The following ARHGAP20 variants were observed in gnomAD, a reference collection of about 807,000 sequenced individuals.
The protein encoded by ARHGAP20 is rho GTPase-activating protein 20.
ARHGAP20 carries 34 observed loss-of-function variants against 73.7 expected under a neutral mutation model. The observed-to-expected ratio is 0.46, with a 90% CI of 0.35 to 0.61. The LOEUF (loss-of-function observed/expected upper bound fraction) is 0.61, where lower values mean the gene tolerates loss of function less well. Ranked by LOEUF, ARHGAP20 falls within the 20% of genes least tolerant of loss-of-function variation. ARHGAP20 has a pLI of 0.00. For synonymous variants in ARHGAP20, 523 were observed against 518.2 expected (o/e 1.01, Z -0.13); for missense variants, 1,314 against 1,420.9 (o/e 0.92, Z 1.21).
At position 110,581,039 on chromosome 11, in the gene ARHGAP20, AG is replaced by A. The variant is rs765145534; in HGVS notation, c.1906del (p.Leu636Ter). 2 of 1,614,184 alleles carry A rather than the reference AG, an allele frequency of 1.2e-6. No individual in the cohort carries two copies. Among genetic ancestry groups the A allele is most frequent in the Non-Finnish European group, 1.7e-6 (2 of 1,180,028 alleles). On this transcript the variant is annotated frameshift_variant, in exon 15 of 15. Transcript: ENST00000683387. LOFTEE classifies it low-confidence loss of function (END_TRUNC). ...AGAATGGGCCAAGTCAAAGTCGCTT[AG>A]GGTTAAAAGGCCTTCCACCTCGGGC... ...DQPEVEGLLT[L>X]SDFDLAHSKD...
At chr11:110,585,095 ATATATGAATATATGTGAATAT>A (rs1565422099) in intron 12 of ARHGAP20, among the ~76,000 whole-genome samples, 1 of 149,448 alleles carries the variant, frequency 6.7e-6, no homozygotes, top group African/African-American at 2.4e-5. Context: ...ATATATGTGA[ATATATGAATATATGTGAATAT>A]ATATGAATAT....
At chr11:110,663,600 T>C (rs528163033) in intron 2 of ARHGAP20, among the ~76,000 whole-genome samples, 1 of 152,108 alleles carries the variant, frequency 6.6e-6, no homozygotes, top group African/African-American at 2.4e-5. Context: ...AGTTAAAGCC[T>C]TCCCACAAAA....
rs991848709 is a variant in ARHGAP20, at chr11:110,674,435, G to A, written c.188+16112C>T. Reference sequence around the variant, plus strand: ...TGCTCCAAAATTGGAAACAATTTGAGCGCCTACACGATGGCATAAGTGGAA... The same window carrying A: ...TGCTCCAAAATTGGAAACAATTTGAACGCCTACACGATGGCATAAGTGGAA... On this transcript the variant is annotated intron_variant, in intron 2 of 14. Transcript: ENST00000683387. Among the ~76,000 whole-genome samples the A allele has an allele frequency of 1.2e-4, 18 of 152,158 alleles. 1 individual carries two copies. Among genetic ancestry groups the A allele is most frequent in the African/African-American group, 4.3e-4 (18 of 41,480 alleles).
intron 2 of ARHGAP20, among the ~76,000 whole-genome samples, chr11:110,687,724 C>T (rs1950163832): frequency 6.6e-6 from 1 of 152,036 alleles, no homozygotes; most frequent in Non-Finnish European, 1.5e-5. Flanking sequence ...AATAATAAAA[C>T]ACTCTAACGG....
At chr11:110,637,774 A>T (rs1345599323) in intron 2 of ARHGAP20, among the ~76,000 whole-genome samples, 1 of 152,054 alleles carries the variant, frequency 6.6e-6, no homozygotes, top group Non-Finnish European at 1.5e-5. Flanking sequence ...AAAACAGGAG[A>T]CCCTATCTGA....
chr11:110,687,015 A>C (rs1454045298), intron 2 of ARHGAP20, among the ~76,000 whole-genome samples: 3 of 139,414 alleles, frequency 2.2e-5, no homozygotes, highest in Non-Finnish European at 4.6e-5. Context: ...AACTTGCAGG[A>C]AATTAACTGA....
Position 110,705,574 on chromosome 11 carries a change from T to C in ARHGAP20, c.105+6553A>G, listed in dbSNP as rs558643288. On this transcript the variant is annotated intron_variant, in intron 1 of 14. Transcript: ENST00000683387. ...CCTTAACTTTTATTTTATAAAACTA[T>C]AATTTATTGTAGTCTATGAACTTTA... Among the ~76,000 whole-genome samples, 11 of 152,346 alleles carry C rather than the reference T, an allele frequency of 7.2e-5. No homozygotes were observed. The South Asian group carries it at 2.3e-3, about 32-fold the overall frequency.
chr11:110,630,917 C>A, intron 2 of ARHGAP20, 125 bp from the exon 3 acceptor site: 1 of 890,588 alleles, frequency 1.1e-6, no homozygotes. Context: ...AGTCTATTCA[C>A]CACACAGTAG....
intron 1 of ARHGAP20, among the ~76,000 whole-genome samples, chr11:110,702,345 C>T (rs1038345151): frequency 6.6e-6 from 1 of 152,072 alleles, no homozygotes; most frequent in African/African-American, 2.4e-5. Context: ...ACCCTTCATG[C>T]TAAAAACTCT....
Position 110,697,131 on chromosome 11 carries a change from G to T in ARHGAP20, c.106-6502C>A, listed in dbSNP as rs565625524. On this transcript the variant is annotated intron_variant, in intron 1 of 14. Coordinates refer to ENST00000683387, the MANE Select transcript of ARHGAP20 (RefSeq NM_001384657.1). ...CAGTAGTGGGATTGCAGGATTGAATGGTATTTATATTTTTAGTTGTTTGAT... is the reference window on the plus strand; with the variant it reads ...CAGTAGTGGGATTGCAGGATTGAATTGTATTTATATTTTTAGTTGTTTGAT... 3.3e-5 allele frequency among the ~76,000 whole-genome samples: 5 copies of T among 151,578 alleles called. No individual in the cohort carries two copies. The South Asian group carries it at 1.0e-3, about 31-fold the overall frequency.
intron 1 of ARHGAP20, among the ~76,000 whole-genome samples, chr11:110,702,034 T>G (rs550925912): frequency 6.6e-6 from 1 of 152,290 alleles, no homozygotes; most frequent in East Asian, 1.9e-4. Context: ...CCAGCTTTGT[T>G]CTTTTGGCTT....
chr11:110,599,456 G>A (rs565619005), intron 9 of ARHGAP20, among the ~76,000 whole-genome samples: 5 of 152,346 alleles, frequency 3.3e-5, no homozygotes, highest in Middle Eastern at 6.8e-3. Context: ...GAGGCAGCTC[G>A]GTGCTGGCCT....
chr11:110,685,446 A>AT (rs1565476738), intron 2 of ARHGAP20, among the ~76,000 whole-genome samples: 1 of 152,040 alleles, frequency 6.6e-6, no homozygotes, highest in African/African-American at 2.4e-5. Flanking sequence ...TCCTAATATA[A>AT]TAATTACTTA....
Position 110,581,146 on chromosome 11 carries a change from G to A in ARHGAP20, c.1800C>T (p.Cys600=). Reference sequence around the variant, plus strand: ...GGCCAAGTTTCTTTACCAAGTCACTGCATGGTGCATCAACATCCTCATTTA... The same window carrying A: ...GGCCAAGTTTCTTTACCAAGTCACTACATGGTGCATCAACATCCTCATTTA... ...NELNEDVDAP[C]SDLVKKLGQG... is the part of the protein sequence containing the mutation. The change falls in exon 15 of 15, where the codon TGC becomes TGT. Residue 600 remains cysteine, a synonymous_variant. Coordinates refer to ENST00000683387, the MANE Select transcript of ARHGAP20 (RefSeq NM_001384657.1). 1 of 1,614,198 alleles carries A rather than the reference G, an allele frequency of 6.2e-7. No homozygotes were observed. The highest frequency in any genetic ancestry group is 8.5e-7 in the Non-Finnish European group (1 of 1,180,034).
intron 8 of ARHGAP20, among the ~76,000 whole-genome samples, chr11:110,607,369 C>A (rs1948258247): frequency 6.6e-6 from 1 of 152,166 alleles, no homozygotes; most frequent in Non-Finnish European, 1.5e-5. Context: ...AGGAAGACTG[C>A]AGGGGATCAG....
chr11:110,712,079 T>TGGGGGCTGCGGCGGCGGA, intron 1 of ARHGAP20, 48 bp downstream of exon 1: 1 of 1,256,204 alleles, frequency 8.0e-7, no homozygotes, highest in Non-Finnish European at 1.0e-6. Flanking sequence ...GCGCCGGCAG[T>TGGGGGCTGCGGCGGCGGA]GGGGGCTGCG....
chr11:110,581,321 A>G, intron 14 of ARHGAP20, 96 bp from the exon 15 acceptor site: 5 of 1,236,574 alleles, frequency 4.0e-6, no homozygotes, highest in Non-Finnish European at 5.4e-6. Context: ...TGAAGTGTTC[A>G]AATTCCTACT....
intron 1 of ARHGAP20, 147 bp downstream of exon 1, chr11:110,711,980 C>T (rs1250456786): frequency 8.0e-7 from 1 of 1,246,986 alleles, no homozygotes; most frequent in Non-Finnish European, 1.0e-6. Context: ...GGGAAGTGTT[C>T]TGGGACTCTC....
At position 110,606,701 on chromosome 11, in the gene ARHGAP20, G is replaced by T. The variant is rs1187334053; in HGVS notation, c.824C>A (p.Ala275Glu). Residue 275 changes from alanine to glutamate, a missense_variant, in exon 9 of 15, where the codon GCA (alanine) becomes GAA (glutamate). Ala to Glu is a moderately radical substitution (Grantham distance 107, BLOSUM62 -1). Coordinates refer to ENST00000683387, the MANE Select transcript of ARHGAP20 (RefSeq NM_001384657.1). ...GIKMSHLRDSALLTPGSKDST... is the reference protein window; with the variant it reads ...GIKMSHLRDSELLTPGSKDST... ...GTCCTTTGATCCCGGTGTCAGGAGTGCAGAGTCTCGAAGATGGCTCATTTT... is the reference window on the plus strand; with the variant it reads ...GTCCTTTGATCCCGGTGTCAGGAGTTCAGAGTCTCGAAGATGGCTCATTTT... 6.3e-7 allele frequency: 1 copy of T among 1,593,548 alleles called. No individual in the cohort carries two copies. The highest frequency in any genetic ancestry group is 2.2e-5 in the East Asian group (1 of 44,532).
Sources: allele counts gnomAD v4.1 joint callset (sites outside exome capture counted in the v4.1 genomes callset), GRCh38; gene constraint gnomAD v4.1.1; transcripts MANE v1.5; gene names NCBI Gene and HGNC (gene_info 2026-07-23, HGNC 2026-07-21).